Variants in SLC37A1 observed in about 807,000 individuals in gnomAD.
SLC37A1 encodes the protein solute carrier family 37 member 1, also known as glucose-6-phosphate exchanger SLC37A1.
SLC37A1 carries 49 observed loss-of-function variants against 75.3 expected under a neutral mutation model. The observed-to-expected ratio is 0.65, with a 90% confidence interval of 0.52 to 0.83. The LOEUF (loss-of-function observed/expected upper bound fraction) is 0.83. Ranked by LOEUF, SLC37A1 falls within the 40% of genes least tolerant of loss-of-function variation. The probability of loss-of-function intolerance (pLI) is 0.00; values close to 1 mark genes in which losing one functional copy is unlikely to be tolerated. For missense variants in SLC37A1, 566 were observed against 695.0 expected (o/e 0.81, Z 2.09); for synonymous variants, 268 against 292.1 (o/e 0.92, Z 0.84).
chr21:42,550,213 A>G (rs1274988959), intron 9 of SLC37A1, among the ~76,000 whole-genome samples: 3 of 152,266 alleles, frequency 2.0e-5, no homozygotes, highest in African/African-American at 7.2e-5. Flanking sequence ...AAAATTGATC[A>G]TCCTGCACCT....
At chr21:42,579,880 G>A in intron 19 of SLC37A1, 80 bp downstream of exon 19, 9 of 1,343,970 alleles carry the variant, frequency 6.7e-6, no homozygotes, top group Non-Finnish European at 8.4e-6. Flanking sequence ...TTCTGCACCT[G>A]GCTTTCCTGA....
upstream of SLC37A1, among the ~76,000 whole-genome samples, chr21:42,513,589 C>T (rs1301037462): frequency 6.6e-5 from 10 of 152,046 alleles, no homozygotes; most frequent in South Asian, 4.1e-4. Context: ...GGGAGCGCGC[C>T]AGCGAAAGCC....
At chr21:42,536,017 A>T (rs1297342125) in intron 5 of SLC37A1, among the ~76,000 whole-genome samples, 1 of 152,226 alleles carries the variant, frequency 6.6e-6, no homozygotes, top group African/African-American at 2.4e-5. Context: ...CTCTACCTGG[A>T]TGCCCAGCTT....
At chr21:42,566,360 C>T (rs1309860341) in intron 15 of SLC37A1, among the ~76,000 whole-genome samples, 1 of 152,198 alleles carries the variant, frequency 6.6e-6, no homozygotes, top group Non-Finnish European at 1.5e-5. Context: ...CCCCCAGCCA[C>T]CTCCTCCCAG....
intron 2 of SLC37A1, among the ~76,000 whole-genome samples, chr21:42,521,534 A>G (rs2054649819): frequency 1.3e-5 from 2 of 152,190 alleles, no homozygotes; most frequent in South Asian, 2.1e-4. Flanking sequence ...GGAGACAGAT[A>G]TTTTGCATGG....
In SLC37A1 at chr21:42,547,464, G is replaced by A. The variant is rs957692517; in HGVS notation, c.768+324G>A. 2.9e-4 allele frequency: 86 copies of A among 295,930 alleles called. No homozygotes were observed. Among genetic ancestry groups the A allele is most frequent in the Non-Finnish European group, 4.9e-4 (77 of 157,352 alleles). 18.3% of individuals were successfully genotyped at this position (295,930 alleles called of 1,614,324 possible). On this transcript the variant is annotated intron_variant, in intron 9 of 19. Transcript: ENST00000352133. The surrounding 1 kb of genome is among the most constrained non-coding windows in gnomAD (Gnocchi z 6.1). Reference sequence around the variant, plus strand: ...TCCCCAGGGGCCTCAGTGTGACGGGGAAAAACGCACGTGTCAGCTGCCTGC... The same window carrying A: ...TCCCCAGGGGCCTCAGTGTGACGGGAAAAAACGCACGTGTCAGCTGCCTGC...
chr21:42,567,603 A>G (rs2056012610), intron 16 of SLC37A1, among the ~76,000 whole-genome samples: 1 of 152,200 alleles, frequency 6.6e-6, no homozygotes, highest in Admixed American at 6.5e-5. Context: ...CTTATTTTTT[A>G]GACTTCAAAA....
intron 18 of SLC37A1, chr21:42,575,872 T>A (rs1216946211): frequency 1.0e-6 from 1 of 985,372 alleles, no homozygotes; most frequent in Non-Finnish European, 1.2e-6. Context: ...ATCTGTGGGT[T>A]CTTTTAATGC....
At chr21:42,568,074 T>C (rs2056025821) in intron 16 of SLC37A1, among the ~76,000 whole-genome samples, 1 of 152,274 alleles carries the variant, frequency 6.6e-6, no homozygotes, top group East Asian at 1.9e-4. Context: ...CTGGCTGCTC[T>C]GGGGCCTCAG....
At chr21:42,518,148 T>C in intron 1 of SLC37A1, 129 bp from the exon 2 acceptor site, 1 of 367,168 alleles carries the variant, frequency 2.7e-6, no homozygotes, top group Non-Finnish European at 5.2e-6. Flanking sequence ...GGCCCCTGCT[T>C]GTATCAGACG....
rs1050370345 is a variant in SLC37A1, at chr21:42,545,032, C to T, written c.730+1430C>T. On this transcript the variant is annotated intron_variant, in intron 8 of 19. Transcript: ENST00000352133. The surrounding 1 kb of genome is among the most constrained non-coding windows in gnomAD (Gnocchi z 4.0). Reference sequence around the variant, plus strand: ...TTGCTCAATGGCCGGGACCTCAGCACCCGCTCCAGGCATTCACGGCCCTAT... The same window carrying T: ...TTGCTCAATGGCCGGGACCTCAGCATCCGCTCCAGGCATTCACGGCCCTAT... Among the ~76,000 whole-genome samples, 2 of 152,200 alleles carry T rather than the reference C, an allele frequency of 1.3e-5. No homozygotes were observed. The highest frequency in any genetic ancestry group is 2.9e-5 in the Non-Finnish European group (2 of 68,028).
intron 10 of SLC37A1, among the ~76,000 whole-genome samples, chr21:42,555,899 G>A (rs996369278): frequency 6.6e-6 from 1 of 152,216 alleles, no homozygotes; most frequent in Non-Finnish European, 1.5e-5. Flanking sequence ...ATCCCCTTTC[G>A]GCGGGCCTGC....
intron 5 of SLC37A1, among the ~76,000 whole-genome samples, chr21:42,538,878 G>T (rs1056445811): frequency 1.3e-5 from 2 of 152,236 alleles, no homozygotes; most frequent in African/African-American, 4.8e-5. Flanking sequence ...TAGCTGTTTA[G>T]TGAATCGCAT....
At chr21:42,511,027 C>G (rs1170424860), upstream of SLC37A1, among the ~76,000 whole-genome samples, 1 of 152,190 alleles carries the variant, frequency 6.6e-6, no homozygotes, top group Non-Finnish European at 1.5e-5. Context: ...CTCCTTCCCC[C>G]AGCAGCTGAA....
Position 42,567,043 on chromosome 21 carries a change from C to T in SLC37A1, c.1329C>T (p.Ala443=), listed in dbSNP as rs527994320. 1.9e-5 allele frequency: 31 copies of T among 1,609,388 alleles called. No homozygotes were observed. Among genetic ancestry groups the T allele is most frequent in the Middle Eastern group, 1.7e-4 (1 of 6,060 alleles). Residue 443 remains alanine, a synonymous_variant, in exon 16 of 20, where the codon GCC becomes GCT. Transcript: ENST00000352133. The part of the protein sequence containing the change: ...VSGPYTLITT[A]VSADLGTHKS... ...GGCCCTACACACTCATCACCACCGC[C>T]GTCTCCGCCGACCTGGTGAGTAGAA...
intron 11 of SLC37A1, 169 bp from the exon 12 acceptor site, chr21:42,561,909 C>T (rs1005999898): frequency 9.4e-5 from 59 of 627,688 alleles, no homozygotes; most frequent in Non-Finnish European, 1.1e-4. Flanking sequence ...GTCCTCACTA[C>T]ACCACACAGC....
At chr21:42,572,959 T>C (rs1182005728) in intron 17 of SLC37A1, among the ~76,000 whole-genome samples, 1 of 152,136 alleles carries the variant, frequency 6.6e-6, no homozygotes, top group African/African-American at 2.4e-5. Flanking sequence ...TGGCTGCTGG[T>C]CTCCAGGCAG....
chr21:42,579,652 G>T, intron 18 of SLC37A1, 84 bp from the exon 19 acceptor site: 2 of 1,399,684 alleles, frequency 1.4e-6, no homozygotes, highest in East Asian at 2.4e-5. Flanking sequence ...CAGGCCTTGC[G>T]GGCCAGGTCC....
At chr21:42,546,424 T>G (rs1422820032) in intron 8 of SLC37A1, among the ~76,000 whole-genome samples, 1 of 152,234 alleles carries the variant, frequency 6.6e-6, no homozygotes, top group East Asian at 1.9e-4. Flanking sequence ...ATTACAGACA[T>G]TCTTCCAGCC....
Sources: allele counts gnomAD v4.1 joint callset (sites outside exome capture counted in the v4.1 genomes callset), GRCh38; gene constraint gnomAD v4.1.1; non-coding constraint Gnocchi (gnomAD v3.1); transcripts MANE v1.5; gene names NCBI Gene and HGNC (gene_info 2026-07-23, HGNC 2026-07-21).